Variants in GRHL3 observed in about 807,000 individuals in gnomAD.
GRHL3 encodes the protein grainyhead-like protein 3 homolog.
Under a neutral mutation model 70.3 loss-of-function variants are expected in GRHL3, and 20 were observed. The observed-to-expected ratio is 0.28, with a 90% confidence interval of 0.20 to 0.41. The LOEUF is 0.41. Ranked by LOEUF, GRHL3 falls within the 10% of genes least tolerant of loss-of-function variation. The pLI is 1.00. For missense variants in GRHL3, 637 were observed against 762.3 expected, an observed-to-expected ratio of 0.84 and a Z score of 1.94; for synonymous variants, 299 against 299.9, an observed-to-expected ratio of 1.00 and a Z score of 0.03.
Position 24,334,848 on chromosome 1 carries a change from T to C in GRHL3, c.266+142T>C. Reference sequence around the variant, plus strand: ...ACACATTTTGGGATTCATGATAATGTTTTCATTTATTTTAAAATTAAAAGA... The same window carrying C: ...ACACATTTTGGGATTCATGATAATGCTTTCATTTATTTTAAAATTAAAAGA... On this transcript the variant is annotated intron_variant, in intron 3 of 15. Coordinates refer to ENST00000361548, the MANE Select transcript of GRHL3 (RefSeq NM_198173.3). The surrounding 1 kb of genome is among the most constrained non-coding windows in gnomAD (Gnocchi z 4.3). 1 of 481,956 alleles carries C rather than the reference T, an allele frequency of 2.1e-6. No individual in the cohort carries two copies. The allele number at this position is 481,956 out of a possible 1,614,324, so 29.9% of individuals were successfully genotyped here.
At chr1:24,332,566 G>A (rs1639651780) in intron 2 of GRHL3, among the ~76,000 whole-genome samples, 1 of 152,172 alleles carries the variant, frequency 6.6e-6, no homozygotes, top group Non-Finnish European at 1.5e-5. Context: ...AGTAATCCAG[G>A]TAGGCCCTAC....
intron 1 of GRHL3, among the ~76,000 whole-genome samples, chr1:24,329,761 A>G (rs906981199): frequency 4.6e-5 from 7 of 152,236 alleles, no homozygotes; most frequent in African/African-American, 1.7e-4. Flanking sequence ...CCATGTAGAA[A>G]GGGAGGCACT....
chr1:24,339,559 G>T, intron 7 of GRHL3, 109 bp from the exon 8 acceptor site: 1 of 675,546 alleles, frequency 1.5e-6, no homozygotes, highest in Middle Eastern at 2.8e-4. Flanking sequence ...GATTACAGGC[G>T]TGAGAAACCA....
At position 24,319,407 on chromosome 1, in the gene GRHL3, C is replaced by A; in HGVS notation, c.-145C>A. ...CAATCAGCGCCAGCGCTGCTGGGAA[C>A]CTACCTGTCAGCAAAATCTCGACAC... On this transcript the variant is annotated 5_prime_UTR_variant, in exon 1 of 16. Transcript: ENST00000361548. The A allele has an allele frequency of 1.1e-6, 1 of 875,574 alleles. No homozygotes were observed. Among genetic ancestry groups the A allele is most frequent in the Non-Finnish European group, 1.9e-6 (1 of 521,162 alleles). 54.2% of individuals were successfully genotyped at this position (875,574 alleles called of 1,614,324 possible). A position where few individuals can be genotyped will look rare whatever the true frequency, so the allele number is the denominator to read the frequency against.
chr1:24,344,988 T>C (rs1258973319), intron 12 of GRHL3, 57 bp downstream of exon 12: 5 of 516,760 alleles, frequency 9.7e-6, no homozygotes, highest in Non-Finnish European at 1.3e-5. Flanking sequence ...TCCACACCTG[T>C]GCCCCCTCCA....
rs1232305335 is a variant in GRHL3, at chr1:24,336,608, C to T, written c.393C>T (p.Asn131=). The change falls in exon 4 of 16, where the codon AAC becomes AAT. Residue 131 remains asparagine, a synonymous_variant. Coordinates refer to ENST00000361548, the MANE Select transcript of GRHL3 (RefSeq NM_198173.3). ...ACCCAGATTTGCTCAAGAAGAATAA[C>T]CTGATGAGCTTGGAGGGGGCCTTGC... ...PEYPDLLKKN[N]LMSLEGALPT... 12 of 1,614,114 alleles carry T rather than the reference C, an allele frequency of 7.4e-6. No homozygotes were observed. The highest frequency in any genetic ancestry group is 2.7e-5 in the African/African-American group (2 of 75,050).
At chr1:24,323,196 G>A (rs1639269402) in intron 1 of GRHL3, 1 of 876,866 alleles carries the variant, frequency 1.1e-6, no homozygotes, top group Non-Finnish European at 1.9e-6. Flanking sequence ...AAGAGAGGGA[G>A]TCATTATTTT....
intron 2 of GRHL3, among the ~76,000 whole-genome samples, chr1:24,332,111 C>T (rs527511858): frequency 6.6e-6 from 1 of 152,206 alleles, no homozygotes; most frequent in South Asian, 2.1e-4. Context: ...TCTTTTTGCC[C>T]CTGTCCTCGG....
chr1:24,360,957 G>A (rs199849506), intron 15 of GRHL3: 20 of 1,614,080 alleles, frequency 1.2e-5, no homozygotes, highest in South Asian at 3.3e-5. Flanking sequence ...AGTAGTCCAC[G>A]ATCTCATACT....
At chr1:24,325,694 C>T (rs1483162511) in intron 1 of GRHL3, among the ~76,000 whole-genome samples, 1 of 152,218 alleles carries the variant, frequency 6.6e-6, no homozygotes, top group Non-Finnish European at 1.5e-5. Flanking sequence ...CACCACACCC[C>T]TGTTGTGCCG....
chr1:24,360,970 C>CCAG lies in GRHL3; in HGVS notation c.1695-3214_1695-3212dup, dbSNP rs771234785. 12 of 1,613,764 alleles carry CCAG rather than the reference C, an allele frequency of 7.4e-6. No individual in the cohort carries two copies. The East Asian group carries it at 2.7e-4, about 36-fold the overall frequency. On this transcript the variant is annotated intron_variant, in intron 15 of 15. Transcript: ENST00000350501. ...TAAGTAGTCCACGATCTCATACTGA[C>CCAG]CAGGACCTGGGAAAGGTGGCTTCGG...
At chr1:24,333,876 G>A (rs996639608) in intron 2 of GRHL3, among the ~76,000 whole-genome samples, 1 of 152,106 alleles carries the variant, frequency 6.6e-6, no homozygotes, top group South Asian at 2.1e-4. Flanking sequence ...CCCATATGAA[G>A]TACTCTATTA....
At position 24,343,318 on chromosome 1, in the gene GRHL3, C is replaced by T. The variant is rs3887580; in HGVS notation, c.1419+293C>T. 97,190 of 373,334 alleles carry T rather than the reference C, an allele frequency of 0.26. 14,364 individuals are homozygous for T. The highest frequency in any genetic ancestry group is 0.43 in the East Asian group (8,763 of 20,490). The allele number at this position is 373,334 out of a possible 1,614,324, so 23.1% of individuals were successfully genotyped here. ...CTGACCCCAAATTTGATTGCAGCCC[C>T]ATGGAATTCTCACGGCAGCACTTGT... On this transcript the variant is annotated intron_variant, in intron 11 of 15. Transcript: ENST00000361548.
At chr1:24,336,124 A>G (rs1007645438) in intron 3 of GRHL3, among the ~76,000 whole-genome samples, 27 of 152,178 alleles carry the variant, frequency 1.8e-4, no homozygotes, top group African/African-American at 6.3e-4. Context: ...ACACCCCGCT[A>G]GGGTTGACTC....
At chr1:24,362,607 G>A (rs1000677860) in intron 15 of GRHL3, among the ~76,000 whole-genome samples, 1 of 152,222 alleles carries the variant, frequency 6.6e-6, no homozygotes, top group African/African-American at 2.4e-5. Flanking sequence ...CTCAATAAAG[G>A]TAGTTGTTAT....
At chr1:24,325,014 A>G (rs1201707276) in intron 1 of GRHL3, among the ~76,000 whole-genome samples, 1 of 152,134 alleles carries the variant, frequency 6.6e-6, no homozygotes, top group Non-Finnish European at 1.5e-5. Flanking sequence ...TGCCCAGGGA[A>G]CATCGTGTGT....
downstream of GRHL3, among the ~76,000 whole-genome samples, chr1:24,359,880 A>G (rs1045091099): frequency 6.6e-6 from 1 of 152,198 alleles, no homozygotes; most frequent in Non-Finnish European, 1.5e-5. The surrounding 1 kb of genome is among the most constrained non-coding windows in gnomAD (Gnocchi z 5.3). Flanking sequence ...GTCCCTCATG[A>G]TATTAGCTCC....
chr1:24,325,002 C>G (rs376446178), intron 1 of GRHL3, among the ~76,000 whole-genome samples: 1 of 152,172 alleles, frequency 6.6e-6, no homozygotes, highest in Non-Finnish European at 1.5e-5. Flanking sequence ...GCGCCCCTGT[C>G]GTGCCCAGGG....
intron 15 of GRHL3, chr1:24,364,069 C>A: frequency 1.5e-6 from 2 of 1,370,206 alleles, no homozygotes; most frequent in Non-Finnish European, 9.5e-7. Flanking sequence ...CCAGAAACAC[C>A]CAACACAACA....
Sources: allele counts gnomAD v4.1 joint callset (sites outside exome capture counted in the v4.1 genomes callset), GRCh38; gene constraint gnomAD v4.1.1; non-coding constraint Gnocchi (gnomAD v3.1); transcripts MANE v1.5; gene names NCBI Gene and HGNC (gene_info 2026-07-23, HGNC 2026-07-21).